The following ADCY9 variants were observed in gnomAD, a reference collection of about 807,000 sequenced individuals.
ADCY9 encodes the protein adenylate cyclase type 9.
ADCY9 carries 50 observed loss-of-function variants against 101.5 expected under a neutral mutation model. The observed-to-expected ratio is 0.49, with a 90% confidence interval of 0.39 to 0.62. The LOEUF is 0.62. Among genes scored for constraint, ADCY9 ranks in the 20% least tolerant of loss-of-function variants. The pLI, the probability that ADCY9 is intolerant of heterozygous loss-of-function variation, is 0.00. For missense variants in ADCY9, 1,662 were observed against 1,800.4 expected, an observed-to-expected ratio of 0.92 and a Z score of 1.39; for synonymous variants, 905 against 769.3, an observed-to-expected ratio of 1.18 and a Z score of -2.92.
At chr16:4,056,990 G>C (rs1162258010) in intron 2 of ADCY9, among the ~76,000 whole-genome samples, 1 of 146,726 alleles carries the variant, frequency 6.8e-6, no homozygotes, top group African/African-American at 2.5e-5. Flanking sequence ...CCTAGCAGAG[G>C]TCAGACCAAC....
chr16:4,077,056 G>A (rs1201158115), intron 2 of ADCY9, among the ~76,000 whole-genome samples: 3 of 142,156 alleles, frequency 2.1e-5, no homozygotes, highest in African/African-American at 8.0e-5. Flanking sequence ...CAGCCTGGGG[G>A]ACAAGGTTGA....
intron 3 of ADCY9, among the ~76,000 whole-genome samples, chr16:4,002,692 T>C (rs1372508186): frequency 1.3e-5 from 2 of 152,222 alleles, no homozygotes; most frequent in East Asian, 3.8e-4. Flanking sequence ...TCAGAAGTAA[T>C]GTGATACAAG....
chr16:4,074,457 G>C (rs923537700), intron 2 of ADCY9, among the ~76,000 whole-genome samples: 9 of 151,756 alleles, frequency 5.9e-5, no homozygotes, highest in Non-Finnish European at 1.0e-4. Flanking sequence ...CACTTTGGGA[G>C]GTAGAGGTGG....
intron 2 of ADCY9, among the ~76,000 whole-genome samples, chr16:4,053,529 T>A (rs1597194896): frequency 1.3e-5 from 2 of 152,236 alleles, no homozygotes; most frequent in Admixed American, 1.3e-4. Flanking sequence ...GTTGGGCACT[T>A]GTCGCCACAA....
chr16:3,967,684 T>C (rs8053258), intron 10 of ADCY9, among the ~76,000 whole-genome samples: 17,596 of 150,092 alleles, frequency 0.12, 2,235 homozygotes, highest in African/African-American at 0.31. Context: ...TGAACTGTGC[T>C]TGGCCTAACA....
At chr16:4,098,030 G>T (rs1032997885) in intron 2 of ADCY9, among the ~76,000 whole-genome samples, 1 of 152,126 alleles carries the variant, frequency 6.6e-6, no homozygotes, top group South Asian at 2.1e-4. Flanking sequence ...TACATATGAT[G>T]CAAGCTGGAA....
At chr16:4,054,376 G>C (rs775012246) in intron 2 of ADCY9, among the ~76,000 whole-genome samples, 2 of 151,708 alleles carry the variant, frequency 1.3e-5, no homozygotes, top group Non-Finnish European at 2.9e-5. Context: ...CAAAATTCCC[G>C]ATTTTCCCAA....
At chr16:4,097,549 ATATAT>A (rs1271977516) in intron 2 of ADCY9, among the ~76,000 whole-genome samples, 1 of 48,240 alleles carries the variant, frequency 2.1e-5, no homozygotes, top group Non-Finnish European at 3.6e-5. Flanking sequence ...ATATATATAT[ATATAT>A]TTTTTTTTTT....
At chr16:4,048,667 C>G (rs371251307) in intron 2 of ADCY9, among the ~76,000 whole-genome samples, 8 of 152,162 alleles carry the variant, frequency 5.3e-5, no homozygotes, top group African/African-American at 1.9e-4. Context: ...GGAGACACAG[C>G]GATGCCCCAC....
chr16:4,110,316 G>C (rs573072838), intron 2 of ADCY9, among the ~76,000 whole-genome samples: 63 of 151,790 alleles, frequency 4.2e-4, no homozygotes, highest in Non-Finnish European at 6.8e-4. Flanking sequence ...TGCAGAGCTG[G>C]GCTTTCCCAA....
chr16:4,111,748 A>G (rs1408220030), intron 2 of ADCY9, among the ~76,000 whole-genome samples: 1 of 151,806 alleles, frequency 6.6e-6, no homozygotes, highest in Non-Finnish European at 1.5e-5. Flanking sequence ...CAGTACTAAA[A>G]CTTTTATAAA....
In ADCY9 at chr16:4,083,660, A is replaced by T. The variant is rs183810770; in HGVS notation, c.1693+30090T>A. Among the ~76,000 whole-genome samples the T allele has an allele frequency of 1.8e-3, 268 of 152,370 alleles. 2 individuals carry two copies. Among genetic ancestry groups the T allele is most frequent in the African/African-American group, 5.7e-3 (239 of 41,582 alleles). On this transcript the variant is annotated intron_variant, in intron 2 of 10. Coordinates refer to ENST00000294016, the MANE Select transcript of ADCY9 (RefSeq NM_001116.4). ...AACAAAGATAAACAAAACGCAATGG[A>T]ATATTATTCAGCCATGAAAAGGAAG...
intron 2 of ADCY9, among the ~76,000 whole-genome samples, chr16:4,030,992 T>A (rs781545746): frequency 1.3e-5 from 2 of 152,022 alleles, no homozygotes; most frequent in Non-Finnish European, 2.9e-5. Flanking sequence ...GAAACCAAAC[T>A]CTTCAAAAAT....
chr16:4,107,508 G>A (rs1567151302), intron 2 of ADCY9, among the ~76,000 whole-genome samples: 1 of 128,142 alleles, frequency 7.8e-6, no homozygotes, highest in Admixed American at 9.7e-5. Flanking sequence ...CTGAGATCAC[G>A]CCATGGCATT....
At chr16:4,053,061 A>C (rs549410643) in intron 2 of ADCY9, among the ~76,000 whole-genome samples, 5 of 152,320 alleles carry the variant, frequency 3.3e-5, no homozygotes, top group African/African-American at 1.2e-4. Context: ...GCATAGTTTT[A>C]AGATGTTTTG....
intron 2 of ADCY9, among the ~76,000 whole-genome samples, chr16:4,082,576 A>ACATG (rs1187900605): frequency 1.3e-5 from 2 of 148,590 alleles, no homozygotes; most frequent in East Asian, 2.0e-4. Flanking sequence ...GCACACACAC[A>ACATG]CATGCATGCA....
intron 2 of ADCY9, among the ~76,000 whole-genome samples, chr16:4,063,101 T>A (rs1442930446): frequency 1.3e-5 from 2 of 152,176 alleles, no homozygotes; most frequent in African/African-American, 4.8e-5. Flanking sequence ...GGCTAGGTCA[T>A]AAAACAAGTA....
At position 4,007,523 on chromosome 16, in the gene ADCY9, T is replaced by G; in HGVS notation, c.1729A>C (p.Lys577Gln). ...TCTGCACAGCTGCAGCGAGACTCCT[T>G]GGCTCTCTGACCCGATATCAGGTAT... ...KTYLISGQRA[K>Q]ESRCSCAEAL... The change falls in exon 3 of 11, where the codon AAG becomes CAG. Residue 577 changes from lysine to glutamine, a missense_variant. Physicochemically the swap from Lys to Gln is moderately conservative, Grantham distance 53. This residue lies in a region of ADCY9 where 624 missense variants were observed against 639.1 expected (regional missense o/e 0.98). Transcript: ENST00000294016. The G allele has an allele frequency of 6.2e-7, 1 of 1,612,238 alleles. No individual in the cohort carries two copies.
intron 2 of ADCY9, among the ~76,000 whole-genome samples, chr16:4,084,921 G>A (rs942234202): frequency 2.0e-5 from 3 of 151,956 alleles, no homozygotes; most frequent in African/African-American, 4.8e-5. Context: ...TTCAACTCCC[G>A]GCCTTCTAAC....
Sources: gnomAD v4.1 joint callset for allele counts (sites outside exome capture counted in the v4.1 genomes callset) on GRCh38, gnomAD v4.1.1 for gene constraint, gnomAD v4.1.1 regional missense constraint, MANE v1.5 for transcripts, NCBI Gene and HGNC (gene_info 2026-07-23, HGNC 2026-07-21) for gene names.